MYO5B: variants seen among roughly 807,000 people sequenced by gnomAD.
MYO5B encodes myosin VB.
MYO5B carries 143 observed loss-of-function variants against 229.3 expected under a neutral mutation model. The observed-to-expected ratio is 0.62, with a 90% CI of 0.54 to 0.72. MYO5B has a LOEUF of 0.72. MYO5B is among the 30% of genes least tolerant of loss of function. MYO5B has a pLI of 0.00. For synonymous variants in MYO5B, 918 were observed against 885.2 expected, an observed-to-expected ratio of 1.04 and a Z score of -0.66; for missense variants, 2,321 against 2,331.0, an observed-to-expected ratio of 1.00 and a Z score of 0.09.
chr18:50,149,942 G>A lies in MYO5B; in HGVS notation c.27+44825C>T, dbSNP rs1292130415. Among the ~76,000 whole-genome samples the A allele has an allele frequency of 8.4e-3, 1,202 of 143,528 alleles. 4 individuals carry two copies. Among genetic ancestry groups the A allele is most frequent in the Non-Finnish European group, 0.013 (841 of 65,446 alleles). 94.2% of individuals were successfully genotyped at this position (143,528 alleles called of 152,430 possible). Reference sequence around the variant, plus strand: ...TTTCACAACCTACTCATCTGACAAAGGGCTAATATCCAGAATCTACAATGA... The same window carrying A: ...TTTCACAACCTACTCATCTGACAAAAGGCTAATATCCAGAATCTACAATGA... On this transcript the variant is annotated intron_variant, in intron 1 of 39. Transcript: ENST00000285039.
In MYO5B at chr18:50,001,203, G is replaced by A. The variant is rs570917794; in HGVS notation, c.612+52C>T. The A allele has an allele frequency of 2.5e-6, 4 of 1,611,336 alleles. No homozygotes were observed. In the South Asian group the frequency reaches 4.4e-5, roughly 18 times the overall value. ...AGGCTTGACGCCCAGCAGTCTTGCTGCCAGTGGGAGGAGCTCCAGCCAGGA... is the reference window on the plus strand; with the variant it reads ...AGGCTTGACGCCCAGCAGTCTTGCTACCAGTGGGAGGAGCTCCAGCCAGGA... On this transcript the variant is annotated intron_variant, in intron 5 of 39. Coordinates refer to ENST00000285039, the MANE Select transcript of MYO5B (RefSeq NM_001080467.3).
chr18:49,958,542 C>T (rs2025521678), intron 12 of MYO5B, among the ~76,000 whole-genome samples: 2 of 152,158 alleles, frequency 1.3e-5, no homozygotes, highest in Non-Finnish European at 2.9e-5. Flanking sequence ...CCTTTCTGTC[C>T]TTCTCATGGA....
intron 1 of MYO5B, among the ~76,000 whole-genome samples, chr18:50,119,932 CAA>C (rs58745407): frequency 0.02 from 3,028 of 152,096 alleles, 90 homozygotes; most frequent in African/African-American, 0.069. Flanking sequence ...GGGCTAGAAC[CAA>C]GAGAGAGGGG....
chr18:49,839,738 T>G (rs376892288), intron 35 of MYO5B: 10 of 241,176 alleles, frequency 4.1e-5, no homozygotes, highest in African/African-American at 2.0e-4. Context: ...TTTATACAGA[T>G]TCTATCACTG....
intron 1 of MYO5B, among the ~76,000 whole-genome samples, chr18:50,063,285 C>T (rs2030734953): frequency 6.6e-6 from 1 of 152,190 alleles, no homozygotes; most frequent in African/African-American, 2.4e-5. Flanking sequence ...TAATAATCTT[C>T]CCCTTTCCCC....
rs767708503 is a variant in MYO5B, at chr18:49,843,343, G to A, written c.4509C>T (p.Tyr1503=). ...LSGTVPCLPA[Y]ILYMCIRHAD... is the part of the protein sequence containing the mutation. ...CGTGCCGGATGCACATGTAGAGGATGTAGGCGGGGAGACAGGGCACTGTGC... is the reference window on the plus strand; with the variant it reads ...CGTGCCGGATGCACATGTAGAGGATATAGGCGGGGAGACAGGGCACTGTGC... Residue 1503 remains tyrosine (Y), a synonymous_variant, in exon 34 of 40, where the codon TAC becomes TAT. Transcript: ENST00000285039. 1 of 1,614,208 alleles carries A rather than the reference G, an allele frequency of 6.2e-7. No individual in the cohort carries two copies. Among genetic ancestry groups the A allele is most frequent in the South Asian group, 1.1e-5 (1 of 91,084 alleles).
At chr18:49,826,951 GTT>G (rs112786334) in intron 39 of MYO5B, among the ~76,000 whole-genome samples, 14,925 of 147,386 alleles carry the variant, frequency 0.1, 1,220 homozygotes, top group East Asian at 0.3. Flanking sequence ...AAGGGCATGG[GTT>G]TTTTTTTTTA....
At chr18:49,982,965 C>T (rs1264460366) in intron 8 of MYO5B, among the ~76,000 whole-genome samples, 1 of 152,186 alleles carries the variant, frequency 6.6e-6, no homozygotes, top group African/African-American at 2.4e-5. Context: ...CCCACATCAG[C>T]ACTACAAGGG....
intron 5 of MYO5B, among the ~76,000 whole-genome samples, chr18:49,994,908 C>T (rs2025970933): frequency 6.6e-6 from 1 of 152,210 alleles, no homozygotes; most frequent in African/African-American, 2.4e-5. Context: ...AAGCCAGGTC[C>T]TGGGCTGGGC....
chr18:50,040,435 G>A, intron 2 of MYO5B, 121 bp from the exon 3 acceptor site: 1 of 1,069,238 alleles, frequency 9.4e-7, no homozygotes, highest in Admixed American at 1.7e-5. Context: ...TGAAGATAAT[G>A]TTTTAAAGAA....
intron 1 of MYO5B, among the ~76,000 whole-genome samples, chr18:50,113,020 A>G (rs1490000572): frequency 6.6e-6 from 1 of 152,178 alleles, no homozygotes; most frequent in Non-Finnish European, 1.5e-5. Flanking sequence ...CTTATAAATA[A>G]CGCACAATTA....
At chr18:50,186,744 T>C (rs2033154820) in intron 1 of MYO5B, among the ~76,000 whole-genome samples, 1 of 152,192 alleles carries the variant, frequency 6.6e-6, no homozygotes, top group Non-Finnish European at 1.5e-5. Context: ...AAGCCTCCAG[T>C]AACCTTCCCA....
At chr18:50,015,511 A>G (rs1464521716) in intron 4 of MYO5B, among the ~76,000 whole-genome samples, 1 of 152,246 alleles carries the variant, frequency 6.6e-6, no homozygotes, top group African/African-American at 2.4e-5. Context: ...GTAAAATCCC[A>G]AAAGGTGAAA....
At chr18:49,997,607 A>T (rs2026003645) in intron 5 of MYO5B, among the ~76,000 whole-genome samples, 1 of 152,082 alleles carries the variant, frequency 6.6e-6, no homozygotes, top group Non-Finnish European at 1.5e-5. Context: ...TCTTTTAATC[A>T]GTGCAGACTT....
intron 17 of MYO5B, among the ~76,000 whole-genome samples, chr18:49,919,224 G>A (rs926612156): frequency 3.4e-4 from 52 of 151,926 alleles, no homozygotes; most frequent in African/African-American, 1.3e-3. Flanking sequence ...AAAACTCTTG[G>A]AAGAAAACAC....
At chr18:49,964,901 G>A (rs951777472) in intron 10 of MYO5B, among the ~76,000 whole-genome samples, 6 of 152,196 alleles carry the variant, frequency 3.9e-5, no homozygotes, top group African/African-American at 1.4e-4. Flanking sequence ...CAGCGTAGTG[G>A]GCAGAGGCAG....
chr18:50,111,699 T>C, intron 1 of MYO5B, among the ~76,000 whole-genome samples: 1 of 152,250 alleles, frequency 6.6e-6, no homozygotes, highest in East Asian at 1.9e-4. Context: ...GTCCTTAAAT[T>C]CTCTGCAGTT....
chr18:50,068,039 A>T (rs2030865758), intron 1 of MYO5B, among the ~76,000 whole-genome samples: 1 of 76,342 alleles, frequency 1.3e-5, no homozygotes, highest in African/African-American at 3.6e-5. Context: ...ATATATACAC[A>T]CATATACACA....
chr18:50,097,445 C>T, intron 1 of MYO5B: 1 of 346,920 alleles, frequency 2.9e-6, no homozygotes, highest in South Asian at 2.2e-5. Context: ...CCACATATAA[C>T]ATAAAATGGC....
Sources: allele counts gnomAD v4.1 joint callset (sites outside exome capture counted in the v4.1 genomes callset), GRCh38; gene constraint gnomAD v4.1.1; transcripts MANE v1.5; gene names NCBI Gene and HGNC (gene_info 2026-07-23, HGNC 2026-07-21).